TTLL13: variants seen among roughly 807,000 people sequenced by gnomAD.
TTLL13 encodes the protein tubulin polyglutamylase TTLL13.
At chr15:90,255,974 C>A in the TTLL13 span, 1 of 1,594,408 alleles carries the variant, frequency 6.3e-7, no homozygotes, top group Non-Finnish European at 8.6e-7. Flanking sequence ...AGGAATGTCT[C>A]AGAGGGATGG....
chr15:90,251,422 C>G, the TTLL13 span: 1 of 946,220 alleles, frequency 1.1e-6, no homozygotes, highest in South Asian at 1.4e-5. Context: ...CCGCGCCCAG[C>G]CCATCCTGGT....
the TTLL13 span, chr15:90,264,076 G>A: frequency 8.1e-6 from 12 of 1,481,100 alleles, no homozygotes; most frequent in Admixed American, 5.9e-5. Flanking sequence ...TGCAAAACTA[G>A]CTTTGGTCAT....
At chr15:90,259,052 T>G in the TTLL13 span, 1 of 1,522,020 alleles carries the variant, frequency 6.6e-7, no homozygotes, top group South Asian at 1.2e-5. Context: ...ATAGATAATA[T>G]GTTCATATTT....
the TTLL13 span, chr15:90,257,562 C>A: frequency 7.3e-7 from 1 of 1,377,846 alleles, no homozygotes; most frequent in South Asian, 1.2e-5. Flanking sequence ...GGGTGGGGAG[C>A]AACAAGGTAA....
chr15:90,252,040 A>ATTGTTTTTTTT, the TTLL13 span, among the ~76,000 whole-genome samples: 7 of 101,862 alleles, frequency 6.9e-5, no homozygotes, highest in African/African-American at 2.4e-4. Context: ...TGCTCACCTA[A>ATTGTTTTTTTT]TTCTTTTTTT....
At chr15:90,249,921 G>A in the TTLL13 span, 5 of 151,454 alleles carry the variant, frequency 3.3e-5, no homozygotes, top group African/African-American at 4.8e-5. Flanking sequence ...CAGCGTAGGG[G>A]GCTTTTGGTC....
chr15:90,263,002 G>T, the TTLL13 span: 1 of 1,536,098 alleles, frequency 6.5e-7, no homozygotes, highest in South Asian at 1.2e-5. Context: ...GAGGCCTCAA[G>T]AAATTGTGGA....
chr15:90,254,902 G>A, the TTLL13 span, among the ~76,000 whole-genome samples: 1 of 152,132 alleles, frequency 6.6e-6, no homozygotes, highest in African/African-American at 2.4e-5. Flanking sequence ...ATTTACTGAG[G>A]GCTTACTGTA....
chr15:90,263,034 G>A, the TTLL13 span: 3 of 1,536,138 alleles, frequency 2.0e-6, no homozygotes, highest in South Asian at 1.2e-5. Context: ...TGGAGCGGAT[G>A]AAGGCCCTGC....
At chr15:90,265,209 G>A in the TTLL13 span, 23 of 1,354,356 alleles carry the variant, frequency 1.7e-5, no homozygotes, top group East Asian at 6.5e-4. Flanking sequence ...ACTCATTTCT[G>A]CTCATCAAGC....
At chr15:90,265,439 A>C in the TTLL13 span, 2 of 1,308,438 alleles carry the variant, frequency 1.5e-6, no homozygotes, top group Non-Finnish European at 1.9e-6. Flanking sequence ...GGCTCTTGGA[A>C]ACGGAATCCG....
the TTLL13 span, among the ~76,000 whole-genome samples, chr15:90,259,491 T>C: frequency 6.6e-6 from 1 of 152,208 alleles, no homozygotes; most frequent in African/African-American, 2.4e-5. Context: ...AGTTTTCCTC[T>C]CTGGAGCCAA....
the TTLL13 span, among the ~76,000 whole-genome samples, chr15:90,256,597 C>CTTTCTTTCTT: frequency 2.8e-5 from 1 of 35,256 alleles, no homozygotes; most frequent in Non-Finnish European, 5.5e-5. Flanking sequence ...TTCTTTCTTT[C>CTTTCTTTCTT]TTTCTTTCTT....
At chr15:90,252,196 C>T in the TTLL13 span, among the ~76,000 whole-genome samples, 2 of 152,116 alleles carry the variant, frequency 1.3e-5, no homozygotes, top group East Asian at 3.9e-4. Flanking sequence ...TGTGCCACCA[C>T]ATCTGGCTAA....
At chr15:90,255,821 C>T in the TTLL13 span, 201 of 1,614,130 alleles carry the variant, frequency 1.2e-4, no homozygotes, top group South Asian at 9.2e-4. Flanking sequence ...GAACCTCAAC[C>T]GCATGTACAA....
the TTLL13 span, chr15:90,258,481 C>A: frequency 1.6e-6 from 1 of 622,410 alleles, no homozygotes; most frequent in African/African-American, 1.8e-5. Flanking sequence ...CGTAGGAATG[C>A]AGGTTTGGGA....
chr15:90,264,755 C>T, the TTLL13 span: 1 of 1,535,968 alleles, frequency 6.5e-7, no homozygotes, highest in Non-Finnish European at 8.7e-7. Flanking sequence ...AGCCATAAAC[C>T]GAGTCCTGGC....
the TTLL13 span, chr15:90,257,666 T>C: frequency 4.3e-6 from 7 of 1,614,080 alleles, no homozygotes; most frequent in African/African-American, 8.0e-5. Flanking sequence ...TGACCAACTA[T>C]GCTATCAACA....
chr15:90,256,766 G>A, the TTLL13 span, among the ~76,000 whole-genome samples: 1 of 151,742 alleles, frequency 6.6e-6, no homozygotes, highest in African/African-American at 2.4e-5. Context: ...TCAGCTCCCT[G>A]CAACCTCCGC....
Sources: gnomAD v4.1 joint callset for allele counts (sites outside exome capture counted in the v4.1 genomes callset) on GRCh38, gnomAD v4.1.1 for gene constraint, MANE v1.5 for transcripts, NCBI Gene and HGNC (gene_info 2026-07-23, HGNC 2026-07-21) for gene names.